TRDN: variants seen among roughly 807,000 people sequenced by gnomAD.
TRDN encodes triadin in skeletal muscle.
Under a neutral mutation model 149.7 loss-of-function variants are expected in TRDN, and 161 were observed. That is an observed-to-expected ratio of 1.08 (90% CI 0.95 to 1.23). The LOEUF is 1.23. TRDN is among the 50% of genes most tolerant of loss of function. The probability of loss-of-function intolerance (pLI) is 0.00; values close to 1 mark genes in which losing one functional copy is unlikely to be tolerated. For missense variants in TRDN, 896 were observed against 823.5 expected, an observed-to-expected ratio of 1.09 and a Z score of -1.08; for synonymous variants, 294 against 250.5, an observed-to-expected ratio of 1.17 and a Z score of -1.64.
chr6:123,377,733 G>C lies in TRDN; in HGVS notation c.1229C>G (p.Pro410Arg). The change falls in exon 18 of 41, where the codon CCA (proline) becomes CGA (arginine). Residue 410 changes from proline to arginine, a missense_variant. Transcript: ENST00000334268. ...KEKHVEPAKSPKKEHSVPSDK... is the reference protein window; with the variant it reads ...KEKHVEPAKSRKKEHSVPSDK... ...TTACTCACCTGAGTGTTCTTTCTTT[G>C]GTGACTTTGCTGTATCAAAAAGGAA... The C allele has an allele frequency of 6.2e-7, 1 of 1,612,800 alleles. No individual in the cohort carries two copies. The highest frequency in any genetic ancestry group is 1.7e-5 in the Admixed American group (1 of 59,916).
At chr6:123,239,007 A>T (rs971923467) in intron 38 of TRDN, among the ~76,000 whole-genome samples, 5 of 151,904 alleles carry the variant, frequency 3.3e-5, no homozygotes, top group Admixed American at 6.6e-5. Context: ...CGCCACGCTA[A>T]TTTTTTGTAT....
intron 34 of TRDN, 25 bp from the exon 35 acceptor site, chr6:123,259,687 A>C: frequency 6.9e-7 from 1 of 1,444,254 alleles, no homozygotes; most frequent in Non-Finnish European, 9.3e-7. Flanking sequence ...AACAACAAGA[A>C]ACCATCATTT....
chr6:123,347,765 T>C (rs1780312079), intron 21 of TRDN, among the ~76,000 whole-genome samples: 1 of 152,050 alleles, frequency 6.6e-6, no homozygotes, highest in African/African-American at 2.4e-5. Flanking sequence ...GAAGGTCCTT[T>C]AGAGATAGCT....
intron 23 of TRDN, among the ~76,000 whole-genome samples, chr6:123,324,500 T>G (rs1056952818): frequency 6.6e-6 from 1 of 151,874 alleles, no homozygotes; most frequent in African/African-American, 2.4e-5. Context: ...AAAAAAACCT[T>G]CAAGGAGAGA....
Position 123,636,811 on chromosome 6 carries a change from C to T in TRDN, c.-36G>A, listed in dbSNP as rs746067947. ...AAAAGTAAAAGTCAGTTGAAAAGTT[C>T]CCGTCAAGTTGCACTTTGCAGAGTA... On this transcript the variant is annotated 5_prime_UTR_variant, in exon 1 of 41. Coordinates refer to ENST00000334268, the MANE Select transcript of TRDN (RefSeq NM_006073.4). 1.2e-6 allele frequency: 2 copies of T among 1,610,988 alleles called. No individual in the cohort carries two copies. The highest frequency in any genetic ancestry group is 1.7e-6 in the Non-Finnish European group (2 of 1,178,078).
At chr6:123,520,014 C>T (rs533811374) in intron 5 of TRDN, among the ~76,000 whole-genome samples, 58 of 152,086 alleles carry the variant, frequency 3.8e-4, no homozygotes, top group African/African-American at 1.4e-3. Flanking sequence ...TCATTTTAAA[C>T]CCTTAAAAAA....
chr6:123,636,862 A>AG lies in TRDN; in HGVS notation c.-88dup. 1.3e-6 allele frequency: 2 copies of AG among 1,527,626 alleles called. No individual in the cohort carries two copies. The highest frequency in any genetic ancestry group is 1.8e-6 in the Non-Finnish European group (2 of 1,103,518). 94.6% of individuals were successfully genotyped at this position (1,527,626 alleles called of 1,614,324 possible). A position where few individuals can be genotyped will look rare whatever the true frequency, so the allele number is the denominator to read the frequency against. ...TTTGGGGATTTGAGAACTCTGGTGG[A>AG]GGGTTCTGTGTCAAAACCTGGGGGC... On this transcript the variant is annotated 5_prime_UTR_variant, in exon 1 of 41. Transcript: ENST00000334268.
chr6:123,303,765 A>T (rs1453983080), intron 24 of TRDN, among the ~76,000 whole-genome samples: 1 of 152,188 alleles, frequency 6.6e-6, no homozygotes, highest in Non-Finnish European at 1.5e-5. Context: ...TATGACAATG[A>T]ATGACAGTAA....
chr6:123,437,392 T>A (rs75526351), intron 12 of TRDN: 1 of 267,976 alleles, frequency 3.7e-6, no homozygotes, highest in Non-Finnish European at 7.2e-6. Context: ...TTTTTTTTTT[T>A]TTTTTTTTTT....
In TRDN at chr6:123,530,507, T is replaced by A. The variant is rs1295791065; in HGVS notation, c.483A>T (p.Lys161Asn). The change falls in exon 5 of 41, where the codon AAA becomes AAT. Residue 161 changes from lysine to asparagine, a missense_variant and splice_region_variant. Transcript: ENST00000334268. ...ATAAACATAAAATGAAATGTTTACC[T>A]TTAGTTTGTATTTTCCTTTCAGGTT... ...QEKPERKIQTKVTHKEKEKGK... is the reference protein window; with the variant it reads ...QEKPERKIQTNVTHKEKEKGK... 8.0e-7 allele frequency: 1 copy of A among 1,251,174 alleles called. No homozygotes were observed. Among genetic ancestry groups the A allele is most frequent in the Non-Finnish European group, 1.1e-6 (1 of 934,338 alleles). 77.5% of individuals were successfully genotyped at this position (1,251,174 alleles called of 1,614,324 possible). A position where few individuals can be genotyped will look rare whatever the true frequency, so the allele number is the denominator to read the frequency against.
At chr6:123,517,236 A>G (rs950089403) in intron 5 of TRDN, among the ~76,000 whole-genome samples, 1 of 152,154 alleles carries the variant, frequency 6.6e-6, no homozygotes, top group African/African-American at 2.4e-5. Flanking sequence ...ATTTAAGAGT[A>G]TGAGAAATGA....
intron 12 of TRDN, among the ~76,000 whole-genome samples, chr6:123,425,494 G>A (rs1371998722): frequency 2.0e-5 from 3 of 151,996 alleles, no homozygotes; most frequent in East Asian, 1.9e-4. Context: ...CCAAGGTAGT[G>A]AGGATAGAGA....
At chr6:123,304,785 G>C (rs77642608) in intron 24 of TRDN, among the ~76,000 whole-genome samples, 1 of 151,972 alleles carries the variant, frequency 6.6e-6, no homozygotes, top group East Asian at 1.9e-4. Flanking sequence ...TGCTAATAGA[G>C]ATCAAGCTGA....
chr6:123,331,932 G>T lies in TRDN; in HGVS notation c.1421-3C>A, dbSNP rs1344836291. ...CTCTTCTTTCCCTTTAATAGGTTCT[G>T]AAAAGAAACATCGGACATTTATTTG... On this transcript the variant is annotated splice_polypyrimidine_tract_variant and splice_region_variant and intron_variant, in intron 22 of 40. Transcript: ENST00000334268. The T allele has an allele frequency of 2.6e-6, 4 of 1,539,006 alleles. No individual in the cohort carries two copies. The highest frequency in any genetic ancestry group is 3.5e-6 in the Non-Finnish European group (4 of 1,140,336).
At position 123,408,287 on chromosome 6, in the gene TRDN, A is replaced by G. The variant is rs1013925508; in HGVS notation, c.1052-14610T>C. Among the ~76,000 whole-genome samples, 26 of 152,328 alleles carry G rather than the reference A, an allele frequency of 1.7e-4. 1 individual carries two copies. The highest frequency in any genetic ancestry group is 4.1e-4 in the South Asian group (2 of 4,830). On this transcript the variant is annotated intron_variant, in intron 12 of 40. Transcript: ENST00000334268. ...ATTTCATTGAAGCATCTCACTATACATGGTACTAATTAAGCACTTGAATAA... is the reference window on the plus strand; with the variant it reads ...ATTTCATTGAAGCATCTCACTATACGTGGTACTAATTAAGCACTTGAATAA...
rs148493621 is a variant in TRDN at position 123,373,043 on chromosome 6, G to A, written c.1273+2562C>T. ...CACATAACTTTCGATGTGGAAGCAT[G>A]GAGTGCTCTTCTTTAGCATCGCACC... is the stretch of plus-strand genomic sequence containing the variant. On this transcript the variant is annotated intron_variant, in intron 19 of 40. Transcript: ENST00000334268. Among the ~76,000 whole-genome samples, 4 of 152,206 alleles carry A rather than the reference G, an allele frequency of 2.6e-5. No homozygotes were observed. In the East Asian group the frequency reaches 7.8e-4, roughly 29 times the overall value.
At chr6:123,381,582 A>C (rs528470150) in intron 15 of TRDN, among the ~76,000 whole-genome samples, 192 bp from the exon 16 acceptor site, 8 of 151,950 alleles carry the variant, frequency 5.3e-5, no homozygotes, top group African/African-American at 1.9e-4. Context: ...CCATAATTTG[A>C]TTGGCAAATA....
In TRDN at chr6:123,361,600, A is replaced by G. The variant is rs932541271; in HGVS notation, c.1321+4535T>C. Among the ~76,000 whole-genome samples, 5 of 152,212 alleles carry G rather than the reference A, an allele frequency of 3.3e-5. No individual in the cohort carries two copies. In the East Asian group the frequency reaches 9.7e-4, roughly 29 times the overall value. On this transcript the variant is annotated intron_variant, in intron 20 of 40. Coordinates refer to ENST00000334268, the MANE Select transcript of TRDN (RefSeq NM_006073.4). ...TACTATTTTTTATTCCCAGCCAACT[A>G]TCTTCATCATCATTTCTCATATACT...
intron 24 of TRDN, among the ~76,000 whole-genome samples, chr6:123,283,862 A>C (rs1777694419): frequency 6.7e-6 from 1 of 149,152 alleles, no homozygotes; most frequent in Non-Finnish European, 1.5e-5. Context: ...CCAATTCTTT[A>C]AATGTCTGAT....
Sources: gnomAD v4.1 joint callset for allele counts (sites outside exome capture counted in the v4.1 genomes callset) on GRCh38, gnomAD v4.1.1 for gene constraint, MANE v1.5 for transcripts, NCBI Gene and HGNC (gene_info 2026-07-23, HGNC 2026-07-21) for gene names.